Variants in HDAC4 observed in about 807,000 individuals in gnomAD.
HDAC4 encodes the protein histone deacetylase A.
In HDAC4, 16 loss-of-function variants were observed where a neutral mutation model predicts 135.1. The observed-to-expected ratio is 0.12, with a 90% CI of 0.08 to 0.18. The LOEUF (loss-of-function observed/expected upper bound fraction) is 0.18, where lower values mean the gene tolerates loss of function less well. Among genes scored for constraint, HDAC4 ranks in the 10% least tolerant of loss-of-function variants. HDAC4 has a pLI of 1.00. For synonymous variants in HDAC4, 685 were observed against 653.4 expected (o/e 1.05, Z -0.74); for missense variants, 1,143 against 1,511.8 (o/e 0.76, Z 4.05).
At chr2:239,392,505 G>A (rs1024593547) in intron 1 of HDAC4, among the ~76,000 whole-genome samples, 2 of 152,162 alleles carry the variant, frequency 1.3e-5, no homozygotes, top group Admixed American at 6.5e-5. Context: ...CACTTTAAAG[G>A]TCCAAAAGGT....
chr2:239,392,624 C>A (rs1467724269), intron 1 of HDAC4, among the ~76,000 whole-genome samples: 2 of 152,204 alleles, frequency 1.3e-5, no homozygotes, highest in East Asian at 3.9e-4. Context: ...TTGTCCACAG[C>A]CCCCAGAGGT....
chr2:239,384,936 C>T (rs571904365), intron 1 of HDAC4, among the ~76,000 whole-genome samples: 119 of 152,278 alleles, frequency 7.8e-4, no homozygotes, highest in African/African-American at 2.5e-3. Flanking sequence ...TGCACCCCAC[C>T]GGGCCCAGAA....
rs756808271 is a variant in HDAC4, at chr2:239,090,094, T to A, written c.2303A>T (p.Asn768Ile). ...GVGVDSDTIW[N>I]EVHSAGAARL... ...GGCTGCCCCCGCCGAGTGCACCTCG[T>A]TCCATATGGTGTCACTGTCCACCTG... is the stretch of plus-strand genomic sequence containing the variant. The change falls in exon 18 of 27, where the codon AAC becomes ATC. Residue 768 changes from asparagine (N) to isoleucine (I), a missense_variant. Coordinates refer to ENST00000543185, the MANE Select transcript of HDAC4 (RefSeq NM_001378414.1). The A allele has an allele frequency of 6.2e-7, 1 of 1,613,426 alleles. No homozygotes were observed. The highest frequency in any genetic ancestry group is 1.1e-5 in the South Asian group (1 of 91,068).
chr2:239,284,246 C>T (rs1377859450), intron 2 of HDAC4, among the ~76,000 whole-genome samples: 5 of 152,222 alleles, frequency 3.3e-5, no homozygotes, highest in Admixed American at 6.5e-5. Context: ...ACAGCGGAGC[C>T]GAGGACACCG....
At position 239,309,098 on chromosome 2, in the gene HDAC4, AC is replaced by A. The variant is rs967058798; in HGVS notation, c.22+43579del. 1 of 152,116 alleles carries A rather than the reference AC, an allele frequency of 6.6e-6. No individual in the cohort carries two copies. The highest frequency in any genetic ancestry group is 2.4e-5 in the African/African-American group (1 of 41,422). 9.4% of individuals were successfully genotyped at this position (152,116 alleles called of 1,614,324 possible). A position where few individuals can be genotyped will look rare whatever the true frequency, so the allele number is the denominator to read the frequency against. On this transcript the variant is annotated intron_variant, in intron 2 of 26. Coordinates refer to ENST00000543185, the MANE Select transcript of HDAC4 (RefSeq NM_001378414.1). The surrounding 1 kb of genome is among the most constrained non-coding windows in gnomAD (Gnocchi z 4.2). Reference sequence around the variant, plus strand: ...ACTTGGTGCTTTACCTTCAGCCCAGACTTTCGCTTAATCCCGGAAACTGCTC... The same window carrying A: ...ACTTGGTGCTTTACCTTCAGCCCAGATTTCGCTTAATCCCGGAAACTGCTC...
intron 20 of HDAC4, 123 bp downstream of exon 20, chr2:239,084,032 C>T: frequency 1.3e-6 from 1 of 740,956 alleles, no homozygotes; most frequent in Non-Finnish European, 2.4e-6. Context: ...ATCTTTGAGA[C>T]CGTTTCCAGA....
chr2:239,106,606 G>A (rs936358309), intron 15 of HDAC4, among the ~76,000 whole-genome samples: 2 of 152,210 alleles, frequency 1.3e-5, no homozygotes, highest in African/African-American at 4.8e-5. Flanking sequence ...AGAGGGCACT[G>A]CAGGAGAGGG....
At chr2:239,236,503 C>T (rs1283940539) in intron 3 of HDAC4, 90 bp downstream of exon 3, 56 of 1,066,642 alleles carry the variant, frequency 5.3e-5, no homozygotes, top group Non-Finnish European at 7.6e-5. Context: ...CCCTCGCCCT[C>T]TCTGCACTCC....
chr2:239,325,798 C>G (rs1346173141), intron 2 of HDAC4, among the ~76,000 whole-genome samples: 1 of 151,846 alleles, frequency 6.6e-6, no homozygotes, highest in African/African-American at 2.4e-5. Flanking sequence ...AACCCCATCT[C>G]TACTAAAAAT....
chr2:239,346,010 T>A lies in HDAC4; in HGVS notation c.22+6668A>T, dbSNP rs1452830162. ...CCGTCTCACACACTTGCACTCACTC[T>A]CACACACACATCCTAACACACATAC... On this transcript the variant is annotated intron_variant, in intron 2 of 26. Transcript: ENST00000543185. Among the ~76,000 whole-genome samples the A allele has an allele frequency of 1.5e-3, 188 of 124,236 alleles. 1 individual carries two copies. The highest frequency in any genetic ancestry group is 5.9e-3 in the African/African-American group (177 of 30,010). The allele number at this position is 124,236 out of a possible 152,430, so 81.5% of individuals were successfully genotyped here.
chr2:239,090,582 G>A (rs1213006874), intron 17 of HDAC4, among the ~76,000 whole-genome samples: 3 of 151,030 alleles, frequency 2.0e-5, no homozygotes, highest in Admixed American at 6.6e-5. Flanking sequence ...GGTCGAGGCC[G>A]CAGTGAGCCA....
At chr2:239,144,182 G>T (rs964942949) in intron 8 of HDAC4, among the ~76,000 whole-genome samples, 1 of 152,196 alleles carries the variant, frequency 6.6e-6, no homozygotes, top group East Asian at 1.9e-4. Context: ...ATGCCCCGGT[G>T]GTTCAGACAC....
chr2:239,389,082 G>T (rs1196956089), intron 1 of HDAC4, among the ~76,000 whole-genome samples: 1 of 152,186 alleles, frequency 6.6e-6, no homozygotes, highest in Admixed American at 6.5e-5. Context: ...CTAGCTAGAG[G>T]ATTGTAAATG....
At chr2:239,346,360 CAT>C (rs1692668123) in intron 2 of HDAC4, among the ~76,000 whole-genome samples, 2 of 150,668 alleles carry the variant, frequency 1.3e-5, no homozygotes, top group Admixed American at 1.3e-4. Flanking sequence ...CACATACACA[CAT>C]CTTAACACAC....
At chr2:239,086,128 C>T (rs1397223890) in intron 19 of HDAC4, among the ~76,000 whole-genome samples, 1 of 44,340 alleles carries the variant, frequency 2.3e-5, no homozygotes, top group Non-Finnish European at 4.1e-5. Flanking sequence ...TGCTCTAACA[C>T]GCGGATCTGA....
chr2:239,135,661 T>C (rs1377611222), intron 9 of HDAC4, among the ~76,000 whole-genome samples: 1 of 152,172 alleles, frequency 6.6e-6, no homozygotes, highest in Non-Finnish European at 1.5e-5. Flanking sequence ...TCTTGGGATG[T>C]AACGTTAAGA....
At position 239,285,342 on chromosome 2, in the gene HDAC4, G is replaced by A. The variant is rs144365873; in HGVS notation, c.23-48678C>T. 7.2e-5 allele frequency among the ~76,000 whole-genome samples: 11 copies of A among 152,264 alleles called. No individual in the cohort carries two copies. The highest frequency in any genetic ancestry group is 1.0e-4 in the Non-Finnish European group (7 of 68,030). ...GCCCCCAAGTTCGCGGCTGTGCAGC[G>A]TGGCCAGAATGCTGAGCCGGTGCTC... On this transcript the variant is annotated intron_variant, in intron 2 of 26. Transcript: ENST00000543185. The surrounding 1 kb of genome is among the most constrained non-coding windows in gnomAD (Gnocchi z 4.5).
At chr2:239,287,601 T>C (rs1422863359) in intron 2 of HDAC4, among the ~76,000 whole-genome samples, 1 of 152,134 alleles carries the variant, frequency 6.6e-6, no homozygotes, top group Non-Finnish European at 1.5e-5. Context: ...GAGCTGCACA[T>C]CCAACCTCGG....
At chr2:239,366,940 C>T (rs768817423) in intron 1 of HDAC4, among the ~76,000 whole-genome samples, 7 of 147,124 alleles carry the variant, frequency 4.8e-5, no homozygotes, top group Non-Finnish European at 8.8e-5. Context: ...CACCCAAGCA[C>T]GCGTAGCTTC....
Sources: gnomAD v4.1 joint callset for allele counts (sites outside exome capture counted in the v4.1 genomes callset) on GRCh38, gnomAD v4.1.1 for gene constraint, Gnocchi (gnomAD v3.1) non-coding constraint, MANE v1.5 for transcripts, NCBI Gene and HGNC (gene_info 2026-07-23, HGNC 2026-07-21) for gene names.